Variants in VWCE observed in about 807,000 individuals in gnomAD.
The protein encoded by VWCE is von Willebrand factor C and EGF domain-containing protein.
Under a neutral mutation model 102.9 loss-of-function variants are expected in VWCE, and 68 were observed. The observed-to-expected ratio is 0.66, with a 90% CI of 0.54 to 0.81. The LOEUF is 0.81. Ranked by LOEUF, VWCE falls within the 30% of genes least tolerant of loss-of-function variation. The pLI is 0.00. For missense variants in VWCE, 1,137 were observed against 1,263.6 expected (o/e 0.90, Z 1.52); for synonymous variants, 497 against 515.4 (o/e 0.96, Z 0.48).
At chr11:61,265,926 A>G (rs1854499130) in intron 16 of VWCE, among the ~76,000 whole-genome samples, 1 of 152,022 alleles carries the variant, frequency 6.6e-6, no homozygotes, top group Admixed American at 6.6e-5. Context: ...CGCACCTGTA[A>G]TCCCAGCTAC....
Position 61,291,557 on chromosome 11 carries a change from C to CTCT in VWCE, c.129_130insAGA (p.His43_Val44insArg). The CTCT allele has an allele frequency of 6.9e-7, 1 of 1,452,358 alleles. No homozygotes were observed. The highest frequency in any genetic ancestry group is 9.1e-7 in the Non-Finnish European group (1 of 1,096,942). 90.0% of individuals were successfully genotyped at this position (1,452,358 alleles called of 1,614,324 possible). On this transcript the variant is annotated inframe_insertion, in exon 2 of 20. Transcript: ENST00000335613. ...CCACTCCCAAACCCAGAGAGGCAGA[C>CTCT]GTGGGGGCCCAGTCGGCGTCTGCAA...
chr11:61,279,344 C>T (rs1855041847), intron 9 of VWCE, among the ~76,000 whole-genome samples: 1 of 152,034 alleles, frequency 6.6e-6, no homozygotes, highest in African/African-American at 2.4e-5. Context: ...CCGAGGCGGG[C>T]AGATCACTCG....
rs560108390 is a variant in VWCE, at chr11:61,281,821, C to T, written c.752G>A (p.Gly251Asp). Residue 251 changes from glycine (G) to aspartate (D), a missense_variant, in exon 7 of 20, where the codon GGC becomes GAC. Around this residue, in one of 5 missense-constraint regions of VWCE, gnomAD observed 575 missense variants for 625.9 expected, o/e 0.92. Transcript: ENST00000335613. ...CACGCGGTCAGCTCGGAGCCTGAAG[C>T]CAGGTCGGCATGTGCATAGGAAGCT... ...VGSFLCTCRP[G>D]FRLRADRVSC... 13 of 1,613,766 alleles carry T rather than the reference C, an allele frequency of 8.1e-6. No individual in the cohort carries two copies. Among genetic ancestry groups the T allele is most frequent in the African/African-American group, 1.3e-5 (1 of 75,034 alleles).
intron 16 of VWCE, among the ~76,000 whole-genome samples, chr11:61,265,960 C>T (rs1854499952): frequency 6.6e-6 from 1 of 151,920 alleles, no homozygotes; most frequent in East Asian, 1.9e-4. Flanking sequence ...ACGGGAGAAT[C>T]GTTTGAACCT....
In VWCE at chr11:61,280,725, C is replaced by A; in HGVS notation, c.1231-8G>T. Reference sequence around the variant, plus strand: ...ACAGGTCACCTTCCCGTCCTAGAAGCACAAGCAGGAGTTAGAGCCACCACA... The same window carrying A: ...ACAGGTCACCTTCCCGTCCTAGAAGAACAAGCAGGAGTTAGAGCCACCACA... On this transcript the variant is annotated splice_region_variant and splice_polypyrimidine_tract_variant and intron_variant, in intron 8 of 19. Coordinates refer to ENST00000335613, the MANE Select transcript of VWCE (RefSeq NM_152718.2). The A allele has an allele frequency of 6.2e-7, 1 of 1,613,962 alleles. No individual in the cohort carries two copies. The highest frequency in any genetic ancestry group is 8.5e-7 in the Non-Finnish European group (1 of 1,179,984).
chr11:61,281,672 T>A, intron 7 of VWCE, 114 bp downstream of exon 7: 1 of 1,269,552 alleles, frequency 7.9e-7, no homozygotes, highest in Non-Finnish European at 1.0e-6. Flanking sequence ...TGAGAGGGCG[T>A]GGCTGGGCGC....
chr11:61,287,971 T>G (rs1015356030), intron 4 of VWCE, among the ~76,000 whole-genome samples: 1 of 151,524 alleles, frequency 6.6e-6, no homozygotes, highest in Admixed American at 6.6e-5. Context: ...CTGGCCAACA[T>G]GGTGAAACCC....
intron 4 of VWCE, among the ~76,000 whole-genome samples, chr11:61,290,027 C>G (rs868332090): frequency 4.6e-5 from 7 of 152,248 alleles, no homozygotes; most frequent in Middle Eastern, 3.2e-3. Context: ...CATTCACAAA[C>G]TAATTATTGA....
chr11:61,282,439 C>T (rs1565227546), intron 6 of VWCE: 1 of 233,370 alleles, frequency 4.3e-6, no homozygotes, highest in Non-Finnish European at 8.2e-6. Flanking sequence ...GGGTCTCCTT[C>T]TAAACCAGAG....
At chr11:61,285,474 G>A (rs1855288653) in intron 5 of VWCE, among the ~76,000 whole-genome samples, 1 of 152,082 alleles carries the variant, frequency 6.6e-6, no homozygotes, top group Non-Finnish European at 1.5e-5. Flanking sequence ...CTCATCCTAA[G>A]CTTGTTCTTC....
intron 9 of VWCE, among the ~76,000 whole-genome samples, chr11:61,279,594 A>C (rs1276651686): frequency 2.6e-5 from 4 of 152,006 alleles, no homozygotes; most frequent in African/African-American, 4.8e-5. Context: ...ACAAAAAAAA[A>C]CCAGTGCATT....
At chr11:61,274,621 T>C in intron 11 of VWCE, 37 bp from the exon 12 acceptor site, 1 of 1,605,562 alleles carries the variant, frequency 6.2e-7, no homozygotes, top group Non-Finnish European at 8.5e-7. Flanking sequence ...TCAAGGTCTT[T>C]GGGCAGAGGC....
intron 7 of VWCE, among the ~76,000 whole-genome samples, chr11:61,281,491 TG>T (rs959148860): frequency 3.9e-5 from 6 of 152,130 alleles, no homozygotes; most frequent in African/African-American, 1.4e-4. Flanking sequence ...ACAGAAGGGC[TG>T]GGGAAACAGT....
intron 5 of VWCE, among the ~76,000 whole-genome samples, chr11:61,284,138 A>G (rs1855233378): frequency 1.3e-5 from 2 of 152,000 alleles, no homozygotes; most frequent in Non-Finnish European, 2.9e-5. Flanking sequence ...CAAAGCGGGA[A>G]GGATAGCTTA....
At chr11:61,283,045 T>C in intron 5 of VWCE, 140 bp from the exon 6 acceptor site, 1 of 737,918 alleles carries the variant, frequency 1.4e-6, no homozygotes, top group East Asian at 2.5e-5. Context: ...TCTTCTGCAC[T>C]GCCCACATCC....
intron 19 of VWCE, among the ~76,000 whole-genome samples, chr11:61,263,550 T>C (rs965313105): frequency 1.3e-5 from 2 of 152,016 alleles, no homozygotes; most frequent in Middle Eastern, 3.4e-3. Context: ...ACAGGAGAAA[T>C]ATGTGTTGTG....
In VWCE at chr11:61,286,297, C is replaced by T. The variant is rs376706620; in HGVS notation, c.541+17G>A. 6.2e-7 allele frequency: 1 copy of T among 1,601,252 alleles called. No individual in the cohort carries two copies. Among genetic ancestry groups the T allele is most frequent in the Non-Finnish European group, 8.5e-7 (1 of 1,177,282 alleles). ...CATTACCCCTCCCAGAGCAGCCATT[C>T]CTTCTCTGCAGCTCACCTTGGCAGC... On this transcript the variant is annotated intron_variant, in intron 5 of 19. Coordinates refer to ENST00000335613, the MANE Select transcript of VWCE (RefSeq NM_152718.2).
At chr11:61,281,953 G>T (rs1855157155) in intron 6 of VWCE, 39 bp from the exon 7 acceptor site, 1 of 1,594,402 alleles carries the variant, frequency 6.3e-7, no homozygotes, top group South Asian at 1.1e-5. Context: ...GCTTTGTTTG[G>T]GCTACGGAGC....
intron 19 of VWCE, among the ~76,000 whole-genome samples, chr11:61,260,250 G>A (rs1465374166): frequency 6.6e-6 from 1 of 151,990 alleles, no homozygotes; most frequent in African/African-American, 2.4e-5. Context: ...GCAGGACTCC[G>A]TTTCACCAAA....
Sources: allele counts gnomAD v4.1 joint callset (sites outside exome capture counted in the v4.1 genomes callset), GRCh38; gene constraint gnomAD v4.1.1; regional missense constraint gnomAD v4.1.1; transcripts MANE v1.5; gene names NCBI Gene and HGNC (gene_info 2026-07-23, HGNC 2026-07-21).